Variants in CSTPP1 observed in about 807,000 individuals in gnomAD.
CSTPP1 encodes the protein UPF0705 protein C11orf49.
At chr11:47,085,891 A>G in the CSTPP1 span, among the ~76,000 whole-genome samples, 1 of 148,688 alleles carries the variant, frequency 6.7e-6, no homozygotes, top group South Asian at 2.1e-4. Flanking sequence ...AAAAAAAAAG[A>G]TACTGAGGAC....
At chr11:47,106,027 G>T in the CSTPP1 span, among the ~76,000 whole-genome samples, 2 of 152,164 alleles carry the variant, frequency 1.3e-5, no homozygotes, top group African/African-American at 4.8e-5. Context: ...GAGAATATGT[G>T]TGTGTATGCA....
At chr11:47,047,523 G>C in the CSTPP1 span, among the ~76,000 whole-genome samples, 1 of 152,176 alleles carries the variant, frequency 6.6e-6, no homozygotes, top group Admixed American at 6.5e-5. Context: ...GGGAAAACTG[G>C]ATATCCACGT....
chr11:47,014,230 AGAAG>A, the CSTPP1 span, among the ~76,000 whole-genome samples: 9 of 151,460 alleles, frequency 5.9e-5, no homozygotes, highest in Non-Finnish European at 8.8e-5. Flanking sequence ...GGAAAAAGAA[AGAAG>A]GAAGGAAGGA....
chr11:47,084,113 G>A, the CSTPP1 span, among the ~76,000 whole-genome samples: 1 of 152,214 alleles, frequency 6.6e-6, no homozygotes, highest in African/African-American at 2.4e-5. Flanking sequence ...TAGTGGTTGT[G>A]AAATGAAATC....
chr11:47,130,269 C>A, the CSTPP1 span, among the ~76,000 whole-genome samples: 135 of 150,248 alleles, frequency 9.0e-4, 1 homozygote, highest in South Asian at 0.013. Context: ...AAAAAAAAAA[C>A]CAAAAAAAAA....
At chr11:47,099,246 C>T in the CSTPP1 span, among the ~76,000 whole-genome samples, 1 of 152,128 alleles carries the variant, frequency 6.6e-6, no homozygotes, top group Non-Finnish European at 1.5e-5. Flanking sequence ...ATGATACTAC[C>T]TCTGGAAAAA....
the CSTPP1 span, among the ~76,000 whole-genome samples, chr11:47,139,500 C>G: frequency 1.3e-5 from 2 of 151,984 alleles, no homozygotes; most frequent in Non-Finnish European, 2.9e-5. Flanking sequence ...ATGGTGAAAC[C>G]CTGTCTCTGC....
chr11:47,151,171 T>C, the CSTPP1 span, among the ~76,000 whole-genome samples: 1 of 152,222 alleles, frequency 6.6e-6, no homozygotes, highest in South Asian at 2.1e-4. Flanking sequence ...CCCAACACTT[T>C]GGGAGGCCTA....
the CSTPP1 span, among the ~76,000 whole-genome samples, chr11:46,968,127 A>G: frequency 6.6e-6 from 1 of 151,308 alleles, no homozygotes; most frequent in South Asian, 2.1e-4. Flanking sequence ...ATCTCTCTTG[A>G]CTTCTCAGAA....
At chr11:47,089,058 A>G in the CSTPP1 span, among the ~76,000 whole-genome samples, 70 of 152,214 alleles carry the variant, frequency 4.6e-4, 3 homozygotes, top group South Asian at 0.014. Flanking sequence ...TCCTTTTCTC[A>G]TTTCCATTTA....
chr11:47,161,662 A>G, the CSTPP1 span: 1 of 1,591,104 alleles, frequency 6.3e-7, no homozygotes, highest in Admixed American at 1.7e-5. Flanking sequence ...TCCTGCCCAC[A>G]GCGCCCTGTA....
At chr11:46,983,268 C>G in the CSTPP1 span, among the ~76,000 whole-genome samples, 10 of 152,306 alleles carry the variant, frequency 6.6e-5, no homozygotes, top group Non-Finnish European at 1.2e-4. Context: ...CAAGAAGTTT[C>G]TGATCCACAA....
the CSTPP1 span, among the ~76,000 whole-genome samples, chr11:46,998,627 A>ATAATTTGG: frequency 1.3e-5 from 2 of 152,182 alleles, no homozygotes; most frequent in Non-Finnish European, 2.9e-5. Flanking sequence ...TAGTGTAAGT[A>ATAATTTGG]TAATTTGGTA....
chr11:46,951,219 G>C, the CSTPP1 span, among the ~76,000 whole-genome samples: 1 of 150,750 alleles, frequency 6.6e-6, no homozygotes, highest in African/African-American at 2.4e-5. Context: ...TTCCCATTCA[G>C]TTCAATAAAA....
chr11:47,024,586 G>C, the CSTPP1 span, among the ~76,000 whole-genome samples: 1 of 152,152 alleles, frequency 6.6e-6, no homozygotes, highest in Admixed American at 6.5e-5. Flanking sequence ...ATTAGAGAGA[G>C]AGTGCTCATG....
At chr11:46,976,297 CTT>C in the CSTPP1 span, among the ~76,000 whole-genome samples, 1 of 152,044 alleles carries the variant, frequency 6.6e-6, no homozygotes, top group Admixed American at 6.6e-5. Context: ...ATAATAAAGA[CTT>C]TAAATGATTA....
At chr11:47,157,323 G>A in the CSTPP1 span, 3 of 1,285,396 alleles carry the variant, frequency 2.3e-6, no homozygotes, top group Non-Finnish European at 3.1e-6. Context: ...AGGCATTCTA[G>A]GGCCCTTGCT....
the CSTPP1 span, among the ~76,000 whole-genome samples, chr11:47,140,875 C>T: frequency 1.3e-5 from 2 of 151,400 alleles, no homozygotes; most frequent in Non-Finnish European, 3.0e-5. Context: ...CCAAGGCAGG[C>T]GGATCACGAG....
At chr11:47,160,918 G>A in the CSTPP1 span, 3 of 616,290 alleles carry the variant, frequency 4.9e-6, no homozygotes, top group Admixed American at 6.0e-5. Flanking sequence ...AGGGAAAGTA[G>A]GCAGTGGGAT....
Sources: gnomAD v4.1 joint callset for allele counts (sites outside exome capture counted in the v4.1 genomes callset) on GRCh38, gnomAD v4.1.1 for gene constraint, MANE v1.5 for transcripts, NCBI Gene and HGNC (gene_info 2026-07-23, HGNC 2026-07-21) for gene names.